Variants in ZFPM2 observed in about 807,000 individuals in gnomAD.
The protein encoded by ZFPM2 is zinc finger protein, FOG family member 2.
ZFPM2 carries 20 observed loss-of-function variants against 98.6 expected under a neutral mutation model. The observed-to-expected ratio is 0.20, with a 90% CI of 0.14 to 0.29. The LOEUF (loss-of-function observed/expected upper bound fraction) is 0.29. Among genes scored for constraint, ZFPM2 ranks in the 10% least tolerant of loss-of-function variants. The probability of loss-of-function intolerance (pLI) is 1.00; values close to 1 mark genes in which losing one functional copy is unlikely to be tolerated. For synonymous variants in ZFPM2, 518 were observed against 502.7 expected (o/e 1.03, Z -0.41); for missense variants, 1,310 against 1,388.6 (o/e 0.94, Z 0.90).
At chr8:105,353,496 C>T (rs1370855350) in intron 1 of ZFPM2, among the ~76,000 whole-genome samples, 2 of 152,128 alleles carry the variant, frequency 1.3e-5, no homozygotes, top group Non-Finnish European at 2.9e-5. Flanking sequence ...TCCAGGTAGT[C>T]CCTGACACCA....
At chr8:105,657,970 C>G (rs1247308979) in intron 5 of ZFPM2, among the ~76,000 whole-genome samples, 3 of 152,112 alleles carry the variant, frequency 2.0e-5, no homozygotes, top group Non-Finnish European at 4.4e-5. Flanking sequence ...AGGTAGGAGA[C>G]TCATTCATGT....
intron 5 of ZFPM2, among the ~76,000 whole-genome samples, chr8:105,640,762 T>C (rs1343999952): frequency 1.3e-5 from 2 of 152,068 alleles, no homozygotes; most frequent in Non-Finnish European, 2.9e-5. Flanking sequence ...CTTTGTCTAA[T>C]GTGGCAGCCA....
At chr8:105,371,881 T>A (rs1285921676) in intron 1 of ZFPM2, among the ~76,000 whole-genome samples, 3 of 152,044 alleles carry the variant, frequency 2.0e-5, no homozygotes, top group Non-Finnish European at 1.5e-5. Flanking sequence ...TAGTGAAATA[T>A]ACTCTGGCTA....
At chr8:105,741,272 G>A (rs1467679580) in intron 5 of ZFPM2, among the ~76,000 whole-genome samples, 1 of 152,056 alleles carries the variant, frequency 6.6e-6, no homozygotes, top group African/African-American at 2.4e-5. Flanking sequence ...ACACTGAAAA[G>A]ATCAGTTTCC....
intron 3 of ZFPM2, among the ~76,000 whole-genome samples, chr8:105,540,281 A>G (rs1814547738): frequency 6.6e-6 from 1 of 152,130 alleles, no homozygotes; most frequent in Admixed American, 6.6e-5. Flanking sequence ...CTTCATGTTT[A>G]TAGGTATCTC....
At chr8:105,639,679 T>C (rs1816914259) in intron 5 of ZFPM2, among the ~76,000 whole-genome samples, 1 of 152,090 alleles carries the variant, frequency 6.6e-6, no homozygotes, top group Admixed American at 6.6e-5. Context: ...ATCAATATTA[T>C]GTTGCTGATT....
intron 1 of ZFPM2, among the ~76,000 whole-genome samples, chr8:105,360,742 C>A (rs1420144270): frequency 6.9e-6 from 1 of 145,128 alleles, no homozygotes; most frequent in African/African-American, 2.6e-5. Flanking sequence ...TTTGTTCTTG[C>A]GATAGTTTAC....
At chr8:105,355,336 A>T (rs182390491) in intron 1 of ZFPM2, among the ~76,000 whole-genome samples, 50 of 152,314 alleles carry the variant, frequency 3.3e-4, no homozygotes, top group African/African-American at 1.0e-3. Context: ...GGAGTTTTGC[A>T]CTGAAAATTC....
intron 1 of ZFPM2, among the ~76,000 whole-genome samples, chr8:105,383,220 C>T (rs1485974872): frequency 6.6e-6 from 1 of 152,014 alleles, no homozygotes; most frequent in African/African-American, 2.4e-5. Context: ...AGTTAATAAA[C>T]ATATTAGCAT....
At chr8:105,736,024 CTG>C (rs776446497) in intron 5 of ZFPM2, among the ~76,000 whole-genome samples, 86 of 151,942 alleles carry the variant, frequency 5.7e-4, no homozygotes, top group Admixed American at 1.1e-3. Flanking sequence ...TATTTATAAA[CTG>C]TTAAAGATAT....
intron 5 of ZFPM2, among the ~76,000 whole-genome samples, chr8:105,655,516 C>G (rs1197289805): frequency 6.6e-6 from 1 of 152,170 alleles, no homozygotes; most frequent in Non-Finnish European, 1.5e-5. Context: ...CAGGCATCAG[C>G]CACCACCCCC....
At chr8:105,405,228 G>A (rs1025284537) in intron 1 of ZFPM2, among the ~76,000 whole-genome samples, 25 of 151,998 alleles carry the variant, frequency 1.6e-4, no homozygotes, top group Non-Finnish European at 7.4e-5. Context: ...AATGACCTCA[G>A]GGGTTTGCTG....
At chr8:105,598,928 A>G (rs1005702856) in intron 4 of ZFPM2, among the ~76,000 whole-genome samples, 3 of 152,180 alleles carry the variant, frequency 2.0e-5, no homozygotes, top group African/African-American at 7.2e-5. Flanking sequence ...CCCTCACATA[A>G]TTAACAGCAA....
intron 3 of ZFPM2, among the ~76,000 whole-genome samples, chr8:105,492,648 C>G (rs1276833570): frequency 6.6e-6 from 1 of 152,048 alleles, no homozygotes; most frequent in Non-Finnish European, 1.5e-5. Flanking sequence ...CAGCTTTGCT[C>G]AGCTCAAGGA....
intron 2 of ZFPM2, among the ~76,000 whole-genome samples, chr8:105,426,950 C>T (rs1442697420): frequency 6.6e-6 from 1 of 152,014 alleles, no homozygotes; most frequent in Non-Finnish European, 1.5e-5. Flanking sequence ...GAGTGAGACT[C>T]CACCTGAAAA....
intron 1 of ZFPM2, among the ~76,000 whole-genome samples, chr8:105,330,601 T>TATATACATATATATATATATAC (rs1488776480): frequency 1.8e-4 from 5 of 27,196 alleles, no homozygotes; most frequent in African/African-American, 9.8e-4. Context: ...TATACATATA[T>TATATACATATATATATATATAC]ATATATATAC....
At chr8:105,475,316 C>T (rs1226043489) in intron 3 of ZFPM2, among the ~76,000 whole-genome samples, 1 of 152,210 alleles carries the variant, frequency 6.6e-6, no homozygotes, top group Non-Finnish European at 1.5e-5. Context: ...GTTATGACAT[C>T]TCAACCAACG....
intron 3 of ZFPM2, among the ~76,000 whole-genome samples, chr8:105,477,589 A>G (rs1424984762): frequency 6.6e-6 from 1 of 152,114 alleles, no homozygotes; most frequent in African/African-American, 2.4e-5. Flanking sequence ...CCACCATAAG[A>G]TTTACCAAAT....
At chr8:105,447,971 T>C (rs1812409720) in intron 3 of ZFPM2, among the ~76,000 whole-genome samples, 1 of 152,112 alleles carries the variant, frequency 6.6e-6, no homozygotes, top group African/African-American at 2.4e-5. Flanking sequence ...AAGTGGAACC[T>C]AAACAATCTT....
Sources: allele counts gnomAD v4.1 joint callset (sites outside exome capture counted in the v4.1 genomes callset), GRCh38; gene constraint gnomAD v4.1.1; transcripts MANE v1.5; gene names NCBI Gene and HGNC (gene_info 2026-07-23, HGNC 2026-07-21).